THOC1: variants seen among roughly 807,000 people sequenced by gnomAD.
THOC1 encodes THO complex subunit 1.
In THOC1, 29 loss-of-function variants were observed where a neutral mutation model predicts 97.3. That is an observed-to-expected ratio of 0.30 (90% CI 0.22 to 0.41). The LOEUF (loss-of-function observed/expected upper bound fraction) is 0.41, where lower values mean the gene tolerates loss of function less well. THOC1 is among the 10% of genes least tolerant of loss of function. The pLI is 1.00. For synonymous variants in THOC1, 255 were observed against 257.0 expected (o/e 0.99, Z 0.07); for missense variants, 529 against 761.9 (o/e 0.69, Z 3.60).
intron 10 of THOC1, among the ~76,000 whole-genome samples, chr18:246,997 G>A (rs1408309179): frequency 1.3e-5 from 2 of 150,678 alleles, no homozygotes; most frequent in Non-Finnish European, 2.9e-5. Flanking sequence ...ACATTTTTAA[G>A]AGTGTACAGA....
At chr18:267,597 A>G (rs1008157081) in intron 1 of THOC1, among the ~76,000 whole-genome samples, 3 of 151,490 alleles carry the variant, frequency 2.0e-5, no homozygotes. Flanking sequence ...GACTGAAACC[A>G]CTCCCACCCT....
rs760261913 is a variant in THOC1, at chr18:242,229, C to A, written c.918+4095G>T. Reference sequence around the variant, plus strand: ...TGGTGGCTCACGCCTGTAATCCCTGCACTTTGGAAGGCTGAGGCAGGCAGA... The same window carrying A: ...TGGTGGCTCACGCCTGTAATCCCTGAACTTTGGAAGGCTGAGGCAGGCAGA... On this transcript the variant is annotated intron_variant, in intron 11 of 20. Coordinates refer to ENST00000261600, the MANE Select transcript of THOC1 (RefSeq NM_005131.3). The surrounding 1 kb of genome is among the most constrained non-coding windows in gnomAD (Gnocchi z 4.5). Among the ~76,000 whole-genome samples, 2 of 151,596 alleles carry A rather than the reference C, an allele frequency of 1.3e-5. No homozygotes were observed.
chr18:231,649 A>G (rs931504867), intron 11 of THOC1, among the ~76,000 whole-genome samples: 23 of 152,306 alleles, frequency 1.5e-4, no homozygotes, highest in African/African-American at 5.1e-4. Context: ...CTTGTTACAT[A>G]TCTGTTAAAG....
chr18:261,546 G>T (rs961509633), intron 4 of THOC1, among the ~76,000 whole-genome samples: 2 of 152,146 alleles, frequency 1.3e-5, no homozygotes, highest in African/African-American at 2.4e-5. Context: ...CTCAAACAGT[G>T]AGCTCCACTA....
At position 218,980 on chromosome 18, in the gene THOC1, C is replaced by T; in HGVS notation, c.1371-11G>A. 6.4e-7 allele frequency: 1 copy of T among 1,569,214 alleles called. No individual in the cohort carries two copies. The highest frequency in any genetic ancestry group is 8.6e-7 in the Non-Finnish European group (1 of 1,156,112). On this transcript the variant is annotated splice_polypyrimidine_tract_variant and intron_variant, in intron 17 of 20. Transcript: ENST00000261600. ...GTGGGCATGTGTTCCCTGAGCGGTA[C>T]AAAAATAACCAGTGAGGATGGCATA...
chr18:259,363 C>CA, intron 6 of THOC1, 88 bp from the exon 7 acceptor site: 1 of 1,119,312 alleles, frequency 8.9e-7, no homozygotes, highest in Non-Finnish European at 1.3e-6. Context: ...ACCAGTGTGT[C>CA]AAGAGTATTT....
rs563695238 is a variant in THOC1 at position 265,573 on chromosome 18, T to A, written c.55-43A>T. ...TGGCAAATAATTGTAAAGATTTTGC[T>A]TATTATTTGCTGAAAAATATATCGT... On this transcript the variant is annotated intron_variant, in intron 1 of 20. Transcript: ENST00000261600. 7.6e-6 allele frequency: 11 copies of A among 1,454,740 alleles called. No homozygotes were observed. In the East Asian group the frequency reaches 2.2e-4, roughly 29 times the overall value. 90.1% of individuals were successfully genotyped at this position (1,454,740 alleles called of 1,614,324 possible).
intron 4 of THOC1, 147 bp from the exon 5 acceptor site, chr18:260,451 A>C (rs374057526): frequency 2.0e-6 from 1 of 501,622 alleles, no homozygotes; most frequent in Middle Eastern, 5.4e-4. Flanking sequence ...AAGCAACCTA[A>C]AAGTCCCCAA....
At chr18:246,509 T>C (rs1466294315) in intron 10 of THOC1, 54 bp from the exon 11 acceptor site, 1 of 1,478,026 alleles carries the variant, frequency 6.8e-7, no homozygotes, top group Non-Finnish European at 9.2e-7. Context: ...ATTTGTTTAG[T>C]GCTTTTCTGC....
At chr18:251,388 A>G (rs1027820187) in intron 9 of THOC1, among the ~76,000 whole-genome samples, 1 of 152,344 alleles carries the variant, frequency 6.6e-6, no homozygotes. Context: ...TCTTTCAATT[A>G]TAACTAATGA....
chr18:215,378 A>AC, intron 20 of THOC1, 51 bp downstream of exon 20: 4 of 1,395,552 alleles, frequency 2.9e-6, no homozygotes, highest in Non-Finnish European at 4.1e-6. Context: ...TCAACAAAGA[A>AC]CCCCAATCGT....
At chr18:237,903 G>A (rs1045295949) in intron 11 of THOC1, among the ~76,000 whole-genome samples, 3 of 151,932 alleles carry the variant, frequency 2.0e-5, no homozygotes, top group African/African-American at 7.3e-5. Flanking sequence ...GTCTCACTCT[G>A]TTGCCCAGGC....
intron 17 of THOC1, among the ~76,000 whole-genome samples, chr18:221,441 A>G (rs1598287596): frequency 6.6e-6 from 1 of 152,064 alleles, no homozygotes; most frequent in South Asian, 2.1e-4. Flanking sequence ...TCTTTATGCA[A>G]TGATTGCCTT....
intron 4 of THOC1, chr18:263,497 C>T (rs540830409): frequency 2.6e-5 from 4 of 152,536 alleles, no homozygotes; most frequent in East Asian, 3.9e-4. Flanking sequence ...CTAGCTATTC[C>T]TTTCTTAGTA....
At chr18:228,834 G>A (rs1441186802) in intron 11 of THOC1, among the ~76,000 whole-genome samples, 1 of 152,174 alleles carries the variant, frequency 6.6e-6, no homozygotes, top group East Asian at 1.9e-4. Flanking sequence ...CCACTGGTAT[G>A]TTGTCACCAC....
intron 4 of THOC1, among the ~76,000 whole-genome samples, chr18:263,093 T>C (rs942721630): frequency 3.3e-5 from 5 of 152,062 alleles, no homozygotes; most frequent in Non-Finnish European, 2.9e-5. Context: ...GCTGCTCTTT[T>C]TTTTTGAGAT....
chr18:259,812 A>T, intron 5 of THOC1, 82 bp from the exon 6 acceptor site: 1 of 1,038,298 alleles, frequency 9.6e-7, no homozygotes, highest in South Asian at 1.6e-5. Flanking sequence ...GTGAAATATT[A>T]AAGAACACTA....
rs1373708752 is a variant in THOC1 at position 254,677 on chromosome 18, T to C, written c.521-322A>G. Among the ~76,000 whole-genome samples the C allele has an allele frequency of 2.6e-5, 4 of 152,194 alleles. No individual in the cohort carries two copies. ...TGTCACATTTTGGTAATTCTCACAA[T>C]ATTTCAAACTTTTTCATTATTATTA... is the stretch of plus-strand genomic sequence containing the variant. On this transcript the variant is annotated intron_variant, in intron 7 of 20. Transcript: ENST00000261600. The surrounding 1 kb of genome is among the most constrained non-coding windows in gnomAD (Gnocchi z 4.1).
chr18:223,260 A>G (rs1244500086), intron 17 of THOC1, among the ~76,000 whole-genome samples, 180 bp downstream of exon 17: 1 of 152,098 alleles, frequency 6.6e-6, no homozygotes, highest in African/African-American at 2.4e-5. Context: ...TGTGATTTCT[A>G]AAATTATTTT....
Sources: gnomAD v4.1 joint callset for allele counts (sites outside exome capture counted in the v4.1 genomes callset) on GRCh38, gnomAD v4.1.1 for gene constraint, Gnocchi (gnomAD v3.1) non-coding constraint, MANE v1.5 for transcripts, NCBI Gene and HGNC (gene_info 2026-07-23, HGNC 2026-07-21) for gene names.